MTCH2: variants seen among roughly 807,000 people sequenced by gnomAD.
MTCH2 encodes the protein mitochondrial carrier 2, also known as mitochondrial carrier homolog 2.
In MTCH2, 25 loss-of-function variants were observed where a neutral mutation model predicts 50.6. That is an observed-to-expected ratio of 0.49 (90% CI 0.36 to 0.69). The LOEUF is 0.69. Among genes scored for constraint, MTCH2 ranks in the 30% least tolerant of loss-of-function variants. The probability of loss-of-function intolerance (pLI) is 0.00; values close to 1 mark genes in which losing one functional copy is unlikely to be tolerated. For missense variants in MTCH2, 273 were observed against 384.4 expected, an observed-to-expected ratio of 0.71 and a Z score of 2.42; for synonymous variants, 106 against 132.0, an observed-to-expected ratio of 0.80 and a Z score of 1.35.
At chr11:47,631,418 AAAAC>A (rs961876770) in intron 6 of MTCH2, among the ~76,000 whole-genome samples, 1 of 152,182 alleles carries the variant, frequency 6.6e-6, no homozygotes, top group Non-Finnish European at 1.5e-5. Flanking sequence ...TCAAAAACAA[AAAAC>A]AAACAAACAA....
intron 5 of MTCH2, among the ~76,000 whole-genome samples, chr11:47,632,503 G>A (rs1326225249): frequency 2.7e-5 from 4 of 149,804 alleles, no homozygotes; most frequent in Non-Finnish European, 4.4e-5. Flanking sequence ...ACAGGCACCC[G>A]CCATCATGCC....
chr11:47,639,552 T>A (rs1644835272), intron 1 of MTCH2, among the ~76,000 whole-genome samples: 1 of 152,228 alleles, frequency 6.6e-6, no homozygotes, highest in Admixed American at 6.5e-5. Flanking sequence ...AAGAACAGGC[T>A]GTCGGTCGGG....
chr11:47,634,660 T>G lies in MTCH2; in HGVS notation c.369+12A>C. 6.2e-7 allele frequency: 1 copy of G among 1,600,192 alleles called. No homozygotes were observed. The highest frequency in any genetic ancestry group is 1.3e-5 in the African/African-American group (1 of 74,694). The stretch of plus-strand genomic sequence containing the variant: ...TCTGGGCAAACAGCACAGGATGTAA[T>G]TCATCTCTTACCTCCTTGATAACGT... On this transcript the variant is annotated intron_variant, in intron 5 of 12. Coordinates refer to ENST00000302503, the MANE Select transcript of MTCH2 (RefSeq NM_014342.4).
At chr11:47,634,623 A>G (rs765231961) in intron 5 of MTCH2, 49 bp downstream of exon 5, 9 of 1,414,536 alleles carry the variant, frequency 6.4e-6, no homozygotes, top group African/African-American at 1.4e-5. Context: ...TAGTTGCAAC[A>G]CCACAGTTTG....
the MTCH2 span, among the ~76,000 whole-genome samples, chr11:47,611,395 A>G: frequency 1.3e-5 from 2 of 152,236 alleles, no homozygotes; most frequent in Non-Finnish European, 2.9e-5. Flanking sequence ...CCAGAAGGGC[A>G]GGGCCCCGGC....
At chr11:47,631,911 G>A (rs180792287) in intron 5 of MTCH2, among the ~76,000 whole-genome samples, 200 bp from the exon 6 acceptor site, 1 of 152,190 alleles carries the variant, frequency 6.6e-6, no homozygotes, top group African/African-American at 2.4e-5. Flanking sequence ...TTCACTCATG[G>A]ATCTCAATGT....
downstream of MTCH2, among the ~76,000 whole-genome samples, chr11:47,613,849 A>T (rs556592849): frequency 6.6e-6 from 1 of 152,068 alleles, no homozygotes; most frequent in Non-Finnish European, 1.5e-5. Context: ...GCACTTTGGG[A>T]GGCCCAGGCA....
rs1424288536 is a variant in MTCH2 at position 47,638,814 on chromosome 11, A to G, written c.173-9T>C. On this transcript the variant is annotated splice_polypyrimidine_tract_variant and intron_variant, in intron 2 of 12. Coordinates refer to ENST00000302503, the MANE Select transcript of MTCH2 (RefSeq NM_014342.4). The stretch of plus-strand genomic sequence containing the variant: ...ACTGGCAATGTGCTGAGCTAAGAAC[A>G]CAAGTCAGAGATGTTGTCAAGTTCT... 6.2e-7 allele frequency: 1 copy of G among 1,613,016 alleles called. No homozygotes were observed. Among genetic ancestry groups the G allele is most frequent in the African/African-American group, 1.3e-5 (1 of 74,892 alleles).
At chr11:47,621,059 C>T (rs1187618687) in intron 12 of MTCH2, among the ~76,000 whole-genome samples, 1 of 152,138 alleles carries the variant, frequency 6.6e-6, no homozygotes, top group Non-Finnish European at 1.5e-5. Context: ...GAAGGAAAGG[C>T]CATTTTTTCC....
intron 1 of MTCH2, 121 bp downstream of exon 1, chr11:47,642,258 G>C: frequency 2.4e-6 from 2 of 836,508 alleles, no homozygotes; most frequent in Non-Finnish European, 3.6e-6. Context: ...AAGGGCAGCG[G>C]AGGAGCAGCA....
chr11:47,625,835 A>G (rs1050096164), intron 10 of MTCH2, 94 bp from the exon 11 acceptor site: 5 of 875,888 alleles, frequency 5.7e-6, no homozygotes, highest in Non-Finnish European at 7.2e-6. Context: ...CTGCGGTGAG[A>G]CACTCTAACA....
At chr11:47,604,891 G>A in the MTCH2 span, among the ~76,000 whole-genome samples, 88 of 152,266 alleles carry the variant, frequency 5.8e-4, no homozygotes, top group South Asian at 0.012. Flanking sequence ...ACCATTAACA[G>A]CAGTTGCTGT....
chr11:47,611,562 G>A, the MTCH2 span, among the ~76,000 whole-genome samples: 2 of 152,212 alleles, frequency 1.3e-5, no homozygotes, highest in East Asian at 1.9e-4. Flanking sequence ...CTGCCTTGGC[G>A]AGGCAGAGGC....
chr11:47,628,191 G>C (rs2097299789), intron 9 of MTCH2, among the ~76,000 whole-genome samples: 3 of 152,172 alleles, frequency 2.0e-5, no homozygotes, highest in Non-Finnish European at 4.4e-5. Context: ...CACAACTGCT[G>C]AGATAAGAAA....
intron 3 of MTCH2, among the ~76,000 whole-genome samples, chr11:47,637,929 C>T (rs1301033562): frequency 1.3e-5 from 2 of 152,160 alleles, no homozygotes; most frequent in African/African-American, 4.8e-5. Flanking sequence ...AACCTGTCTT[C>T]TACATTTCCT....
chr11:47,637,031 C>A (rs968421620), intron 3 of MTCH2, among the ~76,000 whole-genome samples: 1 of 149,564 alleles, frequency 6.7e-6, no homozygotes, highest in Non-Finnish European at 1.5e-5. Flanking sequence ...AATCTCGGCT[C>A]ACTGCTGGAG....
chr11:47,635,179 A>G (rs899630461), intron 4 of MTCH2, among the ~76,000 whole-genome samples: 1 of 152,086 alleles, frequency 6.6e-6, no homozygotes, highest in African/African-American at 2.4e-5. Flanking sequence ...CCTGGACTCA[A>G]GTGATCCTCT....
At chr11:47,607,978 C>T in the MTCH2 span, among the ~76,000 whole-genome samples, 5 of 152,236 alleles carry the variant, frequency 3.3e-5, no homozygotes, top group Non-Finnish European at 7.3e-5. Flanking sequence ...CTCCGATCAT[C>T]ATGCAGAAAA....
intron 6 of MTCH2, 117 bp from the exon 7 acceptor site, chr11:47,631,204 T>C (rs1323134667): frequency 1.3e-6 from 1 of 742,822 alleles, no homozygotes; most frequent in East Asian, 2.7e-5. Flanking sequence ...AGGTCAGGAG[T>C]TCAAGACTAG....
Sources: allele counts gnomAD v4.1 joint callset (sites outside exome capture counted in the v4.1 genomes callset), GRCh38; gene constraint gnomAD v4.1.1; transcripts MANE v1.5; gene names NCBI Gene and HGNC (gene_info 2026-07-23, HGNC 2026-07-21).